Variants in GSE1 observed in about 807,000 individuals in gnomAD.
GSE1 encodes genetic suppressor element 1.
Under a neutral mutation model 112.6 loss-of-function variants are expected in GSE1, and 32 were observed. The observed-to-expected ratio is 0.28, with a 90% CI of 0.21 to 0.38. The LOEUF (loss-of-function observed/expected upper bound fraction) is 0.38. Among genes scored for constraint, GSE1 ranks in the 10% least tolerant of loss-of-function variants. The pLI, the probability that GSE1 is intolerant of heterozygous loss-of-function variation, is 1.00. For synonymous variants in GSE1, 1,115 were observed against 735.6 expected (o/e 1.52, Z -8.35); for missense variants, 2,348 against 1,699.2 (o/e 1.38, Z -6.71).
chr16:85,420,434 C>T (rs1025258090), intron 2 of GSE1, among the ~76,000 whole-genome samples: 2 of 152,148 alleles, frequency 1.3e-5, no homozygotes, highest in African/African-American at 4.8e-5. Context: ...GCAGGATTTG[C>T]TTCTGTCTTG....
chr16:85,243,097 G>A (rs1905287811), intron 1 of GSE1, among the ~76,000 whole-genome samples: 1 of 152,220 alleles, frequency 6.6e-6, no homozygotes, highest in African/African-American at 2.4e-5. Flanking sequence ...ACAGGCATAA[G>A]CCTCTGCGCC....
intron 1 of GSE1, among the ~76,000 whole-genome samples, chr16:85,329,449 A>G (rs1463430038): frequency 6.6e-6 from 1 of 151,720 alleles, no homozygotes; most frequent in Admixed American, 6.6e-5. Flanking sequence ...TGCTGGAAGG[A>G]TATTAGCCGG....
intron 2 of GSE1, among the ~76,000 whole-genome samples, chr16:85,399,269 C>T (rs8055459): frequency 6.6e-6 from 1 of 152,142 alleles, no homozygotes; most frequent in African/African-American, 2.4e-5. Flanking sequence ...TAGGCTGCCT[C>T]GTCTGCTGGG....
intron 9 of GSE1, chr16:85,662,756 T>TG (rs1483172844): frequency 3.7e-6 from 2 of 537,076 alleles, no homozygotes; most frequent in Non-Finnish European, 6.6e-6. Context: ...ACCCAGCTAC[T>TG]GGGAGCCATG....
chr16:85,658,412 G>T (rs542833094), intron 8 of GSE1, among the ~76,000 whole-genome samples: 3 of 152,356 alleles, frequency 2.0e-5, no homozygotes, highest in Non-Finnish European at 2.9e-5. Context: ...CCACAAAGGA[G>T]GGTGGGTAGG....
At chr16:85,478,901 TTCTTTCTTTCTTTCTTTCTTTCTTTC>T (rs1567520606) in intron 2 of GSE1, among the ~76,000 whole-genome samples, 7 of 78,778 alleles carry the variant, frequency 8.9e-5, no homozygotes, top group South Asian at 4.2e-4. Flanking sequence ...CTTTCTTTCT[TTCTTTCTTTCTTTCTTTCTTTCTTTC>T]TCTTTCTTTC....
chr16:85,614,764 C>T (rs917767637), intron 1 of GSE1, among the ~76,000 whole-genome samples: 1 of 152,232 alleles, frequency 6.6e-6, no homozygotes, highest in Non-Finnish European at 1.5e-5. Flanking sequence ...CCTTGCTCCC[C>T]GCTGCGGTGC....
chr16:85,367,620 C>G (rs769238598), intron 2 of GSE1, among the ~76,000 whole-genome samples: 21 of 152,090 alleles, frequency 1.4e-4, no homozygotes, highest in Non-Finnish European at 2.1e-4. Flanking sequence ...CCAGACCAAG[C>G]GAAGAGCATA....
intron 1 of GSE1, chr16:85,278,747 A>T (rs2044769187): frequency 6.5e-6 from 1 of 153,454 alleles, no homozygotes; most frequent in African/African-American, 2.4e-5. Flanking sequence ...TTCATGTTTC[A>T]TAGTTCAGGA....
At chr16:85,550,498 CG>C (rs1281863629) in intron 2 of GSE1, among the ~76,000 whole-genome samples, 1 of 152,120 alleles carries the variant, frequency 6.6e-6, no homozygotes, top group Non-Finnish European at 1.5e-5. Flanking sequence ...CGAGAACAGA[CG>C]GGGCATTCCA....
intron 1 of GSE1, among the ~76,000 whole-genome samples, chr16:85,350,043 T>C (rs914635987): frequency 2.0e-5 from 3 of 152,164 alleles, no homozygotes; most frequent in South Asian, 2.1e-4. Context: ...CTGGGTGACG[T>C]TGGGCAGCTG....
chr16:85,437,707 A>G (rs1046476976), intron 2 of GSE1, among the ~76,000 whole-genome samples: 19 of 152,130 alleles, frequency 1.2e-4, no homozygotes, highest in Middle Eastern at 3.2e-3. Context: ...AAAAAAGTCA[A>G]TCTGCCTCCT....
At chr16:85,222,206 G>T (rs2075406228) in intron 1 of GSE1, among the ~76,000 whole-genome samples, 1 of 152,204 alleles carries the variant, frequency 6.6e-6, no homozygotes, top group Admixed American at 6.5e-5. Flanking sequence ...GTAGAGGCCA[G>T]CCTCTCCCTC....
At chr16:85,656,841 T>C (rs1487750225) in intron 7 of GSE1, among the ~76,000 whole-genome samples, 176 bp downstream of exon 7, 1 of 152,226 alleles carries the variant, frequency 6.6e-6, no homozygotes, top group Non-Finnish European at 1.5e-5. Flanking sequence ...GCACACGATG[T>C]AGACACAGTG....
intron 1 of GSE1, among the ~76,000 whole-genome samples, chr16:85,224,153 A>G (rs73257927): frequency 1.6e-3 from 250 of 151,988 alleles, no homozygotes; most frequent in African/African-American, 5.8e-3. Context: ...CCTGTGGGAG[A>G]GGCCCTGTCC....
intron 1 of GSE1, among the ~76,000 whole-genome samples, chr16:85,318,595 T>C (rs1275872899): frequency 6.6e-6 from 1 of 152,062 alleles, no homozygotes; most frequent in African/African-American, 2.4e-5. Context: ...CTGACGATAG[T>C]GGGAACTAAA....
chr16:85,503,731 G>T (rs904884627), intron 2 of GSE1, among the ~76,000 whole-genome samples: 3 of 152,154 alleles, frequency 2.0e-5, no homozygotes, highest in Non-Finnish European at 4.4e-5. Flanking sequence ...AAACCTCGCC[G>T]ATGACAGACC....
intron 2 of GSE1, among the ~76,000 whole-genome samples, chr16:85,464,505 G>C (rs570273598): frequency 6.6e-6 from 1 of 152,210 alleles, no homozygotes; most frequent in Admixed American, 6.5e-5. Context: ...GGAGGGCCTC[G>C]GCAGCCCCCA....
chr16:85,221,831 G>C (rs1408570146), intron 1 of GSE1, among the ~76,000 whole-genome samples: 1 of 152,198 alleles, frequency 6.6e-6, no homozygotes, highest in African/African-American at 2.4e-5. Flanking sequence ...GCCGGGGCTG[G>C]GGGCCAGAGC....
Sources: gnomAD v4.1 joint callset for allele counts (sites outside exome capture counted in the v4.1 genomes callset) on GRCh38, gnomAD v4.1.1 for gene constraint, MANE v1.5 for transcripts, NCBI Gene and HGNC (gene_info 2026-07-23, HGNC 2026-07-21) for gene names.